The following FHOD3 variants were observed in gnomAD, a reference collection of about 807,000 sequenced individuals.
FHOD3 encodes formin homology 2 domain containing 3.
FHOD3 carries 90 observed loss-of-function variants against 173.0 expected under a neutral mutation model. The observed-to-expected ratio is 0.52, with a 90% CI of 0.44 to 0.62. The LOEUF (loss-of-function observed/expected upper bound fraction) is 0.62. FHOD3 is among the 20% of genes least tolerant of loss of function. The pLI is 0.00. For missense variants in FHOD3, 1,945 were observed against 2,034.7 expected, an observed-to-expected ratio of 0.96 and a Z score of 0.85; for synonymous variants, 828 against 823.0, an observed-to-expected ratio of 1.01 and a Z score of -0.10.
chr18:36,650,456 G>T (rs1421124325), intron 11 of FHOD3, among the ~76,000 whole-genome samples: 1 of 152,172 alleles, frequency 6.6e-6, no homozygotes, highest in Non-Finnish European at 1.5e-5. Context: ...TGACTGAGAA[G>T]AAGCCAGCAG....
chr18:36,779,278 G>C, intron 28 of FHOD3, 170 bp from the exon 29 acceptor site: 1 of 603,238 alleles, frequency 1.7e-6, no homozygotes, highest in South Asian at 2.2e-5. Context: ...CTGGCAGACA[G>C]ACTGCAGGGC....
chr18:36,663,621 C>T (rs1330309515), intron 14 of FHOD3, among the ~76,000 whole-genome samples: 13 of 152,254 alleles, frequency 8.5e-5, no homozygotes. Flanking sequence ...GTGGTGGCTT[C>T]TCCCAGCTTA....
Position 36,482,450 on chromosome 18 carries a change from AC to A in FHOD3, c.338-19475del, listed in dbSNP as rs142805193. Among the ~76,000 whole-genome samples the A allele has an allele frequency of 2.8e-3, 422 of 151,732 alleles. 2 individuals are homozygous for A. The highest frequency in any genetic ancestry group is 3.9e-3 in the Non-Finnish European group (266 of 67,906). On this transcript the variant is annotated intron_variant, in intron 3 of 28. Transcript: ENST00000590592. ...GGAGAAGCAGGGTGACCACTGCGTG[AC>A]CCCCCCGCCCCGCAAGGCATGATTG... is the stretch of plus-strand genomic sequence containing the variant.
chr18:36,531,623 A>G (rs1042703226), intron 5 of FHOD3, among the ~76,000 whole-genome samples: 3 of 152,206 alleles, frequency 2.0e-5, no homozygotes, highest in African/African-American at 4.8e-5. Context: ...CACTGATTTC[A>G]AAGGAGTCTG....
intron 9 of FHOD3, among the ~76,000 whole-genome samples, chr18:36,613,473 A>G (rs897798767): frequency 1.3e-5 from 2 of 152,178 alleles, no homozygotes; most frequent in South Asian, 2.1e-4. Flanking sequence ...GTGTCCTGCC[A>G]TGGCCAGTTA....
intron 3 of FHOD3, among the ~76,000 whole-genome samples, chr18:36,501,103 T>C (rs1376368540): frequency 3.9e-5 from 6 of 152,324 alleles, no homozygotes; most frequent in Non-Finnish European, 2.9e-5. Context: ...CTCACCTCCT[T>C]CTTCCTGAGG....
chr18:36,634,081 G>A lies in FHOD3; in HGVS notation c.1196+8332G>A, dbSNP rs192455044. ...CTATCAATTATCGTGAGGCTGTGGA[G>A]GAGCAGAGACCTAAGCCATCCTCAG... On this transcript the variant is annotated intron_variant, in intron 10 of 28. Transcript: ENST00000590592. Among the ~76,000 whole-genome samples, 499 of 152,300 alleles carry A rather than the reference G, an allele frequency of 3.3e-3. 1 individual carries two copies. The highest frequency in any genetic ancestry group is 3.2e-3 in the Non-Finnish European group (217 of 68,026).
intron 3 of FHOD3, among the ~76,000 whole-genome samples, chr18:36,499,565 C>CG (rs1849944782): frequency 6.6e-6 from 1 of 152,106 alleles, no homozygotes; most frequent in African/African-American, 2.4e-5. Flanking sequence ...AAAACAAAGT[C>CG]TTTTTCTCTG....
intron 5 of FHOD3, among the ~76,000 whole-genome samples, chr18:36,533,160 C>G (rs985854749): frequency 6.6e-6 from 1 of 152,184 alleles, no homozygotes; most frequent in Non-Finnish European, 1.5e-5. Context: ...AGATAGGCAG[C>G]CAGATGTTAG....
intron 18 of FHOD3, among the ~76,000 whole-genome samples, chr18:36,715,940 A>C (rs2040424391): frequency 6.6e-6 from 1 of 152,206 alleles, no homozygotes; most frequent in Non-Finnish European, 1.5e-5. Flanking sequence ...GGTGAGTTCT[A>C]GGAATGGGAA....
chr18:36,741,861 G>A (rs2041919115), intron 21 of FHOD3, among the ~76,000 whole-genome samples: 1 of 152,036 alleles, frequency 6.6e-6, no homozygotes, highest in Non-Finnish European at 1.5e-5. Flanking sequence ...GCCAGATGGT[G>A]GTGGGTTTGG....
chr18:36,414,190 C>T lies in FHOD3; in HGVS notation c.337+41446C>T, dbSNP rs1252340054. 5.3e-5 allele frequency among the ~76,000 whole-genome samples: 8 copies of T among 152,244 alleles called. 1 individual carries two copies. The East Asian group carries it at 1.5e-3, about 29-fold the overall frequency. On this transcript the variant is annotated intron_variant, in intron 3 of 28. Transcript: ENST00000590592. ...AAAGATGACTGAATTCTTGAGGACCCGTCATGTATCAAGCACAGGAGTAGC... is the reference window on the plus strand; with the variant it reads ...AAAGATGACTGAATTCTTGAGGACCTGTCATGTATCAAGCACAGGAGTAGC...
intron 5 of FHOD3, among the ~76,000 whole-genome samples, chr18:36,516,990 T>A (rs1355600122): frequency 2.5e-5 from 3 of 120,614 alleles, no homozygotes; most frequent in African/African-American, 9.3e-5. Context: ...CCTCTCAGCA[T>A]TTTTTTTTTT....
intron 2 of FHOD3, among the ~76,000 whole-genome samples, chr18:36,369,244 A>C (rs2047044725): frequency 6.6e-6 from 1 of 152,154 alleles, no homozygotes; most frequent in South Asian, 2.1e-4. Context: ...TAATTCCCTA[A>C]GAGAAGCCAA....
At chr18:36,491,798 G>A (rs961928429) in intron 3 of FHOD3, among the ~76,000 whole-genome samples, 22 of 151,698 alleles carry the variant, frequency 1.5e-4, no homozygotes, top group Admixed American at 3.9e-4. Context: ...TCTTTTTGTG[G>A]CTTGACAGCT....
At chr18:36,302,097 C>T (rs368958621) in intron 1 of FHOD3, among the ~76,000 whole-genome samples, 2 of 152,174 alleles carry the variant, frequency 1.3e-5, no homozygotes, top group African/African-American at 2.4e-5. Flanking sequence ...TGAGAAGTTC[C>T]GAGTTGGCAT....
At chr18:36,656,054 A>G (rs1285230774) in intron 13 of FHOD3, among the ~76,000 whole-genome samples, 4 of 152,220 alleles carry the variant, frequency 2.6e-5, no homozygotes, top group Admixed American at 2.6e-4. Flanking sequence ...CTGCTGACAC[A>G]GGCATGGAGC....
At chr18:36,739,402 CA>C (rs1238543985) in intron 20 of FHOD3, among the ~76,000 whole-genome samples, 1 of 152,234 alleles carries the variant, frequency 6.6e-6, no homozygotes, top group Non-Finnish European at 1.5e-5. Flanking sequence ...CTATCACCAC[CA>C]GCTTGCCCTT....
At chr18:36,533,315 CT>C in intron 5 of FHOD3, among the ~76,000 whole-genome samples, 1 of 152,242 alleles carries the variant, frequency 6.6e-6, no homozygotes, top group Non-Finnish European at 1.5e-5. Context: ...GTAGTGAGGG[CT>C]GTGGCAGTGT....
Sources: allele counts gnomAD v4.1 joint callset (sites outside exome capture counted in the v4.1 genomes callset), GRCh38; gene constraint gnomAD v4.1.1; transcripts MANE v1.5; gene names NCBI Gene and HGNC (gene_info 2026-07-23, HGNC 2026-07-21).